Variants in SRPX observed in about 807,000 individuals in gnomAD.
SRPX encodes sushi repeat containing protein X-linked.
SRPX carries 24 observed loss-of-function variants against 38.1 expected under a neutral mutation model. That is an observed-to-expected ratio of 0.63 (90% CI 0.46 to 0.89). The LOEUF (loss-of-function observed/expected upper bound fraction) is 0.89. SRPX is among the 40% of genes least tolerant of loss of function. The pLI is 0.00. For missense variants in SRPX, 416 were observed against 377.8 expected, an observed-to-expected ratio of 1.10 and a Z score of -0.84; for synonymous variants, 184 against 153.8, an observed-to-expected ratio of 1.20 and a Z score of -1.45.
At position 38,164,635 on chromosome X, in the gene SRPX, G is replaced by A. The variant is rs376512039; in HGVS notation, c.653+134C>T. On this transcript the variant is annotated intron_variant, in intron 5 of 9. Coordinates refer to ENST00000378533, the MANE Select transcript of SRPX (RefSeq NM_006307.5). ...AACAAATACATAGGTGACATATATA[G>A]TATGTTAGGTAGTGACCAGGGGGAC... 91 of 598,649 alleles carry A rather than the reference G, an allele frequency of 1.5e-4. 1 individual carries two copies. Among genetic ancestry groups the A allele is most frequent in the East Asian group, 1.2e-3 (34 of 27,343 alleles). 49.3% of individuals were successfully genotyped at this position (598,649 alleles called of 1,213,427 possible).
intron 7 of SRPX, among the ~76,000 whole-genome samples, 155 bp from the exon 8 acceptor site, chrX:38,157,184 G>A (rs749425900): frequency 5.4e-5 from 6 of 111,848 alleles, no homozygotes; most frequent in African/African-American, 1.3e-4. Flanking sequence ...CCCAAGAAGC[G>A]CCTGTGGAGG....
In SRPX at chrX:38,220,731, A is replaced by AGCAGCAGCAGAGGCG. The variant is rs1161415905; in HGVS notation, c.61_62insCGCCTCTGCTGCTGC (p.Leu20_Leu21insProProLeuLeuLeu). On this transcript the variant is annotated inframe_insertion, in exon 1 of 10. Coordinates refer to ENST00000378533, the MANE Select transcript of SRPX (RefSeq NM_006307.5). ...GCGGCTGGGCGGGACGCGCAGCAGC[A>AGCAGCAGCAGAGGCG]GCAGCAGCAGCAGAGGCGGCAGCAG... is the stretch of plus-strand genomic sequence containing the variant. 9 of 1,156,778 alleles carry AGCAGCAGCAGAGGCG rather than the reference A, an allele frequency of 7.8e-6. No homozygotes were observed. The highest frequency in any genetic ancestry group is 9.2e-6 in the Non-Finnish European group (8 of 870,050).
At chrX:38,164,423 A>G (rs975235654) in intron 5 of SRPX, among the ~76,000 whole-genome samples, 6 of 112,320 alleles carry the variant, frequency 5.3e-5, no homozygotes, top group African/African-American at 1.9e-4. Flanking sequence ...GATTACAGGC[A>G]TGAGCCACCG....
At chrX:38,159,239 C>G (rs907901106) in intron 7 of SRPX, among the ~76,000 whole-genome samples, 2 of 111,972 alleles carry the variant, frequency 1.8e-5, no homozygotes, top group Non-Finnish European at 3.8e-5. Flanking sequence ...TAGGTGTGTT[C>G]TTTCTACTTT....
intron 1 of SRPX, among the ~76,000 whole-genome samples, chrX:38,187,360 A>C (rs1371386004): frequency 8.9e-6 from 1 of 111,982 alleles, no homozygotes. Flanking sequence ...GATTTAGAAA[A>C]TCTTTCATAA....
chrX:38,184,090 T>A (rs1346585455), intron 1 of SRPX, among the ~76,000 whole-genome samples: 1 of 111,686 alleles, frequency 9.0e-6, no homozygotes, highest in East Asian at 2.8e-4. Context: ...TTATATGTAT[T>A]GAAATTACAT....
At chrX:38,169,501 A>AG (rs1306981419) in intron 4 of SRPX, among the ~76,000 whole-genome samples, 1 of 111,460 alleles carries the variant, frequency 9.0e-6, no homozygotes, top group Admixed American at 9.6e-5. Context: ...AAAACAAAAA[A>AG]TAAGTGAGCA....
chrX:38,199,220 C>A (rs756336357), intron 1 of SRPX, among the ~76,000 whole-genome samples: 1 of 110,975 alleles, frequency 9.0e-6, no homozygotes, highest in African/African-American at 3.3e-5. Flanking sequence ...TCCTGGCTAA[C>A]ACGGTGAAAC....
intron 4 of SRPX, among the ~76,000 whole-genome samples, chrX:38,167,821 C>T (rs1363421956): frequency 8.9e-6 from 1 of 111,877 alleles, no homozygotes; most frequent in Non-Finnish European, 1.9e-5. Flanking sequence ...AGTGCAGTGG[C>T]ACAATATCGG....
At chrX:38,156,548 A>G in intron 8 of SRPX, among the ~76,000 whole-genome samples, 1 of 111,885 alleles carries the variant, frequency 8.9e-6, no homozygotes, top group East Asian at 2.8e-4. Context: ...CCCTGGGGAA[A>G]AATGTGGGCA....
chrX:38,154,222 CAT>C (rs10548058), intron 9 of SRPX, among the ~76,000 whole-genome samples: 30,495 of 110,531 alleles, frequency 0.28, 4,403 homozygotes, highest in African/African-American at 0.54. Flanking sequence ...CATACACACA[CAT>C]GAAGCAAAAA....
chrX:38,189,264 T>C (rs769033347), intron 1 of SRPX, among the ~76,000 whole-genome samples: 8 of 111,888 alleles, frequency 7.2e-5, no homozygotes, highest in Non-Finnish European at 1.5e-4. Flanking sequence ...AACACTCCCA[T>C]CCTCAACCTC....
rs769510001 is a variant in SRPX, at chrX:38,204,249, A to T, written c.97+16447T>A. ...TATAAACAAACTGATCCTAAAATTT[A>T]TATGAAATTTATAGCCAAAACAATT... On this transcript the variant is annotated intron_variant, in intron 1 of 9. Transcript: ENST00000378533. Among the ~76,000 whole-genome samples the T allele has an allele frequency of 1.8e-3, 205 of 112,222 alleles. 5 individuals are homozygous for T. Among genetic ancestry groups the T allele is most frequent in the Non-Finnish European group, 1.8e-3 (98 of 53,262 alleles).
At chrX:38,195,462 C>G (rs1938983253) in intron 1 of SRPX, among the ~76,000 whole-genome samples, 1 of 100,304 alleles carries the variant, frequency 1.0e-5, no homozygotes, top group African/African-American at 3.7e-5. Flanking sequence ...TAAAATTTTT[C>G]AAGCAGAGCA....
chrX:38,199,738 A>G (rs1278699933), intron 1 of SRPX, among the ~76,000 whole-genome samples: 2 of 100,977 alleles, frequency 2.0e-5, no homozygotes, highest in African/African-American at 6.8e-5. Flanking sequence ...ACAAAATAAC[A>G]GAGTGGCTGG....
At chrX:38,161,388 G>A (rs1938258109) in intron 5 of SRPX, among the ~76,000 whole-genome samples, 1 of 108,411 alleles carries the variant, frequency 9.2e-6, no homozygotes, top group African/African-American at 3.4e-5. Flanking sequence ...CTTGTTCCAG[G>A]GGGGACCTGA....
At chrX:38,220,228 G>A (rs1356031544) in intron 1 of SRPX, among the ~76,000 whole-genome samples, 1 of 113,771 alleles carries the variant, frequency 8.8e-6, no homozygotes, top group Admixed American at 9.2e-5. Context: ...TCGCTTTACC[G>A]TGGCTCGTGT....
chrX:38,213,097 T>C (rs1336108827), intron 1 of SRPX, among the ~76,000 whole-genome samples: 13 of 105,889 alleles, frequency 1.2e-4, no homozygotes, highest in African/African-American at 4.0e-4. Context: ...CTATACTAAG[T>C]GAAAGAAGCC....
chrX:38,194,663 T>C (rs1360945499), intron 1 of SRPX, among the ~76,000 whole-genome samples: 2 of 110,904 alleles, frequency 1.8e-5, no homozygotes, highest in African/African-American at 6.6e-5. Context: ...AATGATGGCA[T>C]ATTTACACAA....
Sources: gnomAD v4.1 joint callset for allele counts (sites outside exome capture counted in the v4.1 genomes callset) on GRCh38, gnomAD v4.1.1 for gene constraint, MANE v1.5 for transcripts, NCBI Gene and HGNC (gene_info 2026-07-23, HGNC 2026-07-21) for gene names.